AUTS2: variants seen among roughly 807,000 people sequenced by gnomAD.
AUTS2 encodes the protein activator of transcription and developmental regulator AUTS2.
In AUTS2, 17 loss-of-function variants were observed where a neutral mutation model predicts 112.4. That is an observed-to-expected ratio of 0.15 (90% CI 0.10 to 0.23). AUTS2 has a LOEUF of 0.23. Among genes scored for constraint, AUTS2 ranks in the 10% least tolerant of loss-of-function variants. AUTS2 has a pLI of 1.00. For missense variants in AUTS2, 1,510 were observed against 1,701.6 expected (o/e 0.89, Z 1.98); for synonymous variants, 751 against 702.7 (o/e 1.07, Z -1.09).
chr7:70,731,727 T>C (rs533827391), intron 6 of AUTS2, among the ~76,000 whole-genome samples: 31 of 147,374 alleles, frequency 2.1e-4, no homozygotes, highest in Admixed American at 2.0e-3. Flanking sequence ...CCGCGCCCAG[T>C]CTCCTTTACC....
chr7:69,874,526 G>T (rs1006245319), intron 1 of AUTS2, among the ~76,000 whole-genome samples: 14 of 152,198 alleles, frequency 9.2e-5, no homozygotes, highest in African/African-American at 3.1e-4. Context: ...CACTTGGGAT[G>T]TTGTTAATGG....
At chr7:69,977,459 TC>T (rs1478849726) in intron 2 of AUTS2, among the ~76,000 whole-genome samples, 5 of 152,336 alleles carry the variant, frequency 3.3e-5, no homozygotes, top group Admixed American at 3.3e-4. Context: ...GATGCATTTT[TC>T]TATTTCTGCT....
chr7:70,590,158 G>GTA (rs61345387), intron 5 of AUTS2, among the ~76,000 whole-genome samples: 2,069 of 145,454 alleles, frequency 0.014, 28 homozygotes, highest in African/African-American at 0.036. Flanking sequence ...GTGTATGTAT[G>GTA]TATATATATA....
At chr7:70,697,408 T>C (rs748531304) in intron 5 of AUTS2, among the ~76,000 whole-genome samples, 3 of 152,220 alleles carry the variant, frequency 2.0e-5, no homozygotes, top group Non-Finnish European at 4.4e-5. Context: ...ATTTTGTCTT[T>C]CTATATCACT....
chr7:70,733,569 G>C (rs1310464800), intron 6 of AUTS2, among the ~76,000 whole-genome samples: 1 of 117,176 alleles, frequency 8.5e-6, no homozygotes. Context: ...TTATGCAGTT[G>C]TAACATTTTT....
intron 1 of AUTS2, among the ~76,000 whole-genome samples, chr7:69,623,351 A>G (rs570248570): frequency 4.1e-4 from 61 of 149,496 alleles, no homozygotes; most frequent in African/African-American, 1.4e-3. Flanking sequence ...GCCTCCCAAA[A>G]AGCTGGGACT....
intron 1 of AUTS2, among the ~76,000 whole-genome samples, chr7:69,655,631 G>A (rs150789510): frequency 3.3e-5 from 5 of 152,328 alleles, no homozygotes; most frequent in Admixed American, 2.6e-4. Context: ...GGGTAATTTG[G>A]GGGAAGGGAA....
intron 4 of AUTS2, among the ~76,000 whole-genome samples, chr7:70,300,428 C>T (rs760776948): frequency 6.6e-6 from 1 of 152,162 alleles, no homozygotes; most frequent in Non-Finnish European, 1.5e-5. Context: ...CAACTCCCAT[C>T]CAGCAGGACA....
intron 2 of AUTS2, among the ~76,000 whole-genome samples, chr7:69,981,063 A>G (rs1798276751): frequency 6.6e-6 from 1 of 152,188 alleles, no homozygotes; most frequent in African/African-American, 2.4e-5. Context: ...TTGTTTTTTG[A>G]GAGGCCCACA....
chr7:70,162,072 TGAG>T (rs1401463063), intron 4 of AUTS2, among the ~76,000 whole-genome samples: 1 of 151,958 alleles, frequency 6.6e-6, no homozygotes, highest in Non-Finnish European at 1.5e-5. Context: ...AATATAAAAT[TGAG>T]GACAATATTT....
At chr7:69,623,895 C>G (rs1166379845) in intron 1 of AUTS2, among the ~76,000 whole-genome samples, 1 of 152,056 alleles carries the variant, frequency 6.6e-6, no homozygotes, top group Non-Finnish European at 1.5e-5. Flanking sequence ...TATTAGATTC[C>G]TCAAATTTTC....
intron 2 of AUTS2, among the ~76,000 whole-genome samples, chr7:70,064,024 A>G (rs1802376905): frequency 1.3e-5 from 2 of 152,236 alleles, no homozygotes; most frequent in African/African-American, 2.4e-5. Flanking sequence ...AGAAGGCGTC[A>G]TTCTATTACA....
At chr7:70,135,460 CAAAT>C (rs1314811713) in intron 4 of AUTS2, among the ~76,000 whole-genome samples, 1 of 152,086 alleles carries the variant, frequency 6.6e-6, no homozygotes, top group Admixed American at 6.6e-5. Context: ...TCATGAAAAT[CAAAT>C]AAAGTGGAAA....
At chr7:70,375,937 A>G (rs982390433) in intron 4 of AUTS2, among the ~76,000 whole-genome samples, 1 of 152,108 alleles carries the variant, frequency 6.6e-6, no homozygotes, top group Non-Finnish European at 1.5e-5. Context: ...ATATTTTCAC[A>G]AGAACATGTT....
chr7:69,670,976 G>A (rs1277137055), intron 1 of AUTS2, among the ~76,000 whole-genome samples: 1 of 152,294 alleles, frequency 6.6e-6, no homozygotes, highest in East Asian at 1.9e-4. Context: ...AGAAACATCT[G>A]GCATCATTCA....
At chr7:70,695,722 C>G (rs1041843102) in intron 5 of AUTS2, among the ~76,000 whole-genome samples, 3 of 149,446 alleles carry the variant, frequency 2.0e-5, no homozygotes, top group Non-Finnish European at 4.5e-5. Context: ...GTTTCACTTA[C>G]TTAACTTTCC....
At chr7:70,436,891 T>C (rs1795915492) in intron 5 of AUTS2, 1 of 152,214 alleles carries the variant, frequency 6.6e-6, no homozygotes, top group African/African-American at 2.4e-5. Flanking sequence ...AGGTCAAGCA[T>C]ATTCAGATGA....
At chr7:69,912,445 C>T (rs536591365) in intron 2 of AUTS2, among the ~76,000 whole-genome samples, 6 of 152,318 alleles carry the variant, frequency 3.9e-5, no homozygotes, top group Non-Finnish European at 5.9e-5. Flanking sequence ...CATACAGCCC[C>T]GGCTGCAGCC....
intron 9 of AUTS2, 92 bp from the exon 10 acceptor site, chr7:70,767,932 A>T: frequency 8.0e-7 from 1 of 1,248,432 alleles, no homozygotes; most frequent in Non-Finnish European, 1.2e-6. Context: ...ATGACAGCTT[A>T]ATGACAGGGA....
Sources: gnomAD v4.1 joint callset for allele counts (sites outside exome capture counted in the v4.1 genomes callset) on GRCh38, gnomAD v4.1.1 for gene constraint, MANE v1.5 for transcripts, NCBI Gene and HGNC (gene_info 2026-07-23, HGNC 2026-07-21) for gene names.